ANKFY1: variants seen among roughly 807,000 people sequenced by gnomAD.
ANKFY1 encodes the protein ankyrin repeat and FYVE domain-containing protein 1.
A neutral mutation model predicts 128.3 loss-of-function variants in ANKFY1; 47 were observed. The ratio of observed to expected loss-of-function variants is 0.37; its 90% confidence interval spans 0.29 to 0.47. The LOEUF is 0.47. Ranked by LOEUF, ANKFY1 falls within the 20% of genes least tolerant of loss-of-function variation. The pLI, the probability that ANKFY1 is intolerant of heterozygous loss-of-function variation, is 1.00. For missense variants in ANKFY1, 1,222 were observed against 1,510.6 expected, an observed-to-expected ratio of 0.81 and a Z score of 3.17; for synonymous variants, 553 against 601.6, an observed-to-expected ratio of 0.92 and a Z score of 1.18.
intron 3 of ANKFY1, among the ~76,000 whole-genome samples, chr17:4,227,591 T>C (rs1397471720): frequency 1.3e-5 from 2 of 152,190 alleles, no homozygotes; most frequent in Non-Finnish European, 2.9e-5. Context: ...TGTTTCTCCC[T>C]GAGATCAAGA....
chr17:4,252,435 GGTGTGCACCT>G (rs1425856962), intron 1 of ANKFY1, among the ~76,000 whole-genome samples: 1 of 152,092 alleles, frequency 6.6e-6, no homozygotes, highest in Non-Finnish European at 1.5e-5. Flanking sequence ...CAAGTGTGGT[GGTGTGCACCT>G]GCAGTCCTAG....
chr17:4,182,126 T>C (rs2059526827), intron 15 of ANKFY1, 55 bp downstream of exon 15: 16 of 1,377,548 alleles, frequency 1.2e-5, no homozygotes, highest in Non-Finnish European at 1.5e-5. Context: ...CAGATCCATC[T>C]CTGACACAAC....
Position 4,251,942 on chromosome 17 carries a change from G to A in ANKFY1, c.11-9494C>T, listed in dbSNP as rs113729003. ...CCAGCTACTAGGGAGGATGAGGCAG[G>A]GGAATCACTTGAATCCGGGAGACAG... On this transcript the variant is annotated intron_variant, in intron 1 of 24. Transcript: ENST00000341657. Among the ~76,000 whole-genome samples, 314 of 152,008 alleles carry A rather than the reference G, an allele frequency of 2.1e-3. 1 individual carries two copies. The highest frequency in any genetic ancestry group is 7.2e-3 in the African/African-American group (300 of 41,450).
intron 11 of ANKFY1, chr17:4,187,328 A>G: frequency 2.5e-6 from 1 of 398,740 alleles, no homozygotes; most frequent in Non-Finnish European, 4.4e-6. Context: ...AGGACAGGAC[A>G]GGACAGGTCA....
chr17:4,232,373 A>C (rs541953148), intron 3 of ANKFY1, among the ~76,000 whole-genome samples: 23 of 152,304 alleles, frequency 1.5e-4, no homozygotes, highest in African/African-American at 5.5e-4. Context: ...CTGCTGGGCA[A>C]AGCACACAAT....
chr17:4,177,403 G>A (rs76553126), intron 18 of ANKFY1, 101 bp from the exon 19 acceptor site: 11,127 of 1,086,440 alleles, frequency 0.01, 76 homozygotes, highest in Non-Finnish European at 0.012. Flanking sequence ...TCACGATGGA[G>A]ACCTTCCCTC....
chr17:4,258,300 C>T (rs1043975916), intron 1 of ANKFY1, among the ~76,000 whole-genome samples: 9 of 151,978 alleles, frequency 5.9e-5, no homozygotes, highest in African/African-American at 9.7e-5. Flanking sequence ...CCGAGGCGGG[C>T]GGATCACGAG....
intron 7 of ANKFY1, among the ~76,000 whole-genome samples, chr17:4,199,190 ATTC>A (rs761371099): frequency 2.0e-5 from 3 of 152,106 alleles, no homozygotes; most frequent in East Asian, 1.9e-4. Context: ...CAGAAAAACC[ATTC>A]TTCTTCTTAT....
chr17:4,193,419 CTTTTTTTTTTTTTTT>C (rs34747890), intron 10 of ANKFY1, among the ~76,000 whole-genome samples: 2 of 108,276 alleles, frequency 1.8e-5, no homozygotes, highest in Admixed American at 9.6e-5. Context: ...CCAGTCGACT[CTTTTTTTTTTTTTTT>C]TTTTTTTTTT....
intron 3 of ANKFY1, among the ~76,000 whole-genome samples, chr17:4,233,122 C>T (rs532391012): frequency 1.3e-4 from 20 of 152,180 alleles, no homozygotes; most frequent in Non-Finnish European, 2.8e-4. Flanking sequence ...ATGAGCCTCA[C>T]AGCTACTAGG....
chr17:4,182,210 T>G lies in ANKFY1; in HGVS notation c.2092A>C (p.Asn698His), dbSNP rs771614291. 39 of 1,571,500 alleles carry G rather than the reference T, an allele frequency of 2.5e-5. No individual in the cohort carries two copies. The highest frequency in any genetic ancestry group is 3.0e-5 in the Non-Finnish European group (35 of 1,154,778). The change falls in exon 15 of 25, where the codon AAC (asparagine) becomes CAC (histidine). Residue 698 changes from asparagine to histidine, a missense_variant. Asn to His is a moderately conservative substitution (Grantham distance 68, BLOSUM62 1). Transcript: ENST00000341657. ...GTGGATGCGATGTCCTCCAGATTGT[T>G]TGCCAATGCAAGCCACAGCGGGGGG... The part of the protein sequence containing the change: ...GNPPLWLALA[N>H]NLEDIASTLV...
chr17:4,252,393 C>T (rs1967885848), intron 1 of ANKFY1, among the ~76,000 whole-genome samples: 1 of 152,002 alleles, frequency 6.6e-6, no homozygotes, highest in Non-Finnish European at 1.5e-5. Context: ...GAGTGAGACC[C>T]CCGTCTCCAC....
At chr17:4,180,760 C>CAAAAAAAAA (rs11392631) in intron 16 of ANKFY1, among the ~76,000 whole-genome samples, 6 of 57,970 alleles carry the variant, frequency 1.0e-4, no homozygotes, top group Admixed American at 1.9e-4. Flanking sequence ...GACTCTGTCT[C>CAAAAAAAAA]AAAAAAAAAA....
At chr17:4,171,147 C>G (rs866902164) in intron 22 of ANKFY1, among the ~76,000 whole-genome samples, 2 of 152,208 alleles carry the variant, frequency 1.3e-5, no homozygotes, top group Non-Finnish European at 2.9e-5. Flanking sequence ...GAGCTGAGGT[C>G]GCGCAGGTGG....
chr17:4,196,885 C>G (rs1054084793), intron 8 of ANKFY1, among the ~76,000 whole-genome samples: 5 of 152,154 alleles, frequency 3.3e-5, no homozygotes, highest in Admixed American at 6.5e-5. Flanking sequence ...TTTGGGAGAC[C>G]GAGGTGGGCA....
chr17:4,201,479 A>ATTTTTTTTTTTT (rs59058325), intron 7 of ANKFY1, among the ~76,000 whole-genome samples: 2 of 135,700 alleles, frequency 1.5e-5, no homozygotes, highest in African/African-American at 5.4e-5. Context: ...CCTGTGTCTG[A>ATTTTTTTTTTTT]TTTTTTTTTT....
At chr17:4,251,850 C>T (rs1265259884) in intron 1 of ANKFY1, among the ~76,000 whole-genome samples, 1 of 152,002 alleles carries the variant, frequency 6.6e-6, no homozygotes, top group Non-Finnish European at 1.5e-5. Flanking sequence ...GCCTGGCCAA[C>T]ATGGCAAAAC....
At chr17:4,246,452 C>T (rs899993034) in intron 1 of ANKFY1, among the ~76,000 whole-genome samples, 4 of 152,184 alleles carry the variant, frequency 2.6e-5, no homozygotes, top group African/African-American at 9.7e-5. Flanking sequence ...CAAGAGTTCA[C>T]TGACAATAGT....
chr17:4,232,048 A>T (rs574513644), intron 3 of ANKFY1, among the ~76,000 whole-genome samples: 1 of 152,130 alleles, frequency 6.6e-6, no homozygotes, highest in African/African-American at 2.4e-5. Context: ...CAAGAATTTA[A>T]TTTTGTACAC....
Sources: allele counts gnomAD v4.1 joint callset (sites outside exome capture counted in the v4.1 genomes callset), GRCh38; gene constraint gnomAD v4.1.1; transcripts MANE v1.5; gene names NCBI Gene and HGNC (gene_info 2026-07-23, HGNC 2026-07-21).